The following MEF2D variants were observed in gnomAD, a reference collection of about 807,000 sequenced individuals.
MEF2D encodes the protein myocyte enhancer factor 2D.
In MEF2D, 10 loss-of-function variants were observed where a neutral mutation model predicts 59.3. The observed-to-expected ratio is 0.17, with a 90% confidence interval of 0.10 to 0.29. The LOEUF (loss-of-function observed/expected upper bound fraction) is 0.29. MEF2D is among the 10% of genes least tolerant of loss of function. The pLI, the probability that MEF2D is intolerant of heterozygous loss-of-function variation, is 1.00. For missense variants in MEF2D, 508 were observed against 699.4 expected (o/e 0.73, Z 3.09); for synonymous variants, 305 against 295.0 (o/e 1.03, Z -0.35).
intron 3 of MEF2D, among the ~76,000 whole-genome samples, chr1:156,481,523 T>G (rs1672017206): frequency 6.6e-6 from 1 of 152,204 alleles, no homozygotes; most frequent in Non-Finnish European, 1.5e-5. Flanking sequence ...ACTGAGTCCC[T>G]ACTGTGACCA....
intron 1 of MEF2D, among the ~76,000 whole-genome samples, chr1:156,491,453 G>T (rs1672784813): frequency 6.6e-6 from 1 of 152,230 alleles, no homozygotes; most frequent in Non-Finnish European, 1.5e-5. Context: ...GGCAATGAGG[G>T]CGCTAGAAGA....
intron 11 of MEF2D, 26 bp from the exon 12 acceptor site, chr1:156,467,682 G>C: frequency 3.0e-6 from 4 of 1,347,328 alleles, no homozygotes; most frequent in Middle Eastern, 2.1e-4. Flanking sequence ...ATGGAGAAGG[G>C]GGTGTGAGGG....
rs1028254937 is a variant in MEF2D at position 156,467,557 on chromosome 1, G to C, written c.*88C>G. 3 of 1,080,778 alleles carry C rather than the reference G, an allele frequency of 2.8e-6. No homozygotes were observed. The highest frequency in any genetic ancestry group is 3.7e-6 in the Non-Finnish European group (3 of 810,202). The allele number at this position is 1,080,778 out of a possible 1,614,324, so 66.9% of individuals were successfully genotyped here. A position where few individuals can be genotyped will look rare whatever the true frequency, so the allele number is the denominator to read the frequency against. Reference sequence around the variant, plus strand: ...AAGCACAAGAAAGGAAGTGGGGGTCGAGCGGGAGGAGCCCGGGGCAGGGAA... The same window carrying C: ...AAGCACAAGAAAGGAAGTGGGGGTCCAGCGGGAGGAGCCCGGGGCAGGGAA... On this transcript the variant is annotated 3_prime_UTR_variant, in exon 12 of 12. Transcript: ENST00000348159.
intron 1 of MEF2D, among the ~76,000 whole-genome samples, chr1:156,498,912 T>C (rs1474683230): frequency 6.6e-6 from 1 of 152,108 alleles, no homozygotes; most frequent in Non-Finnish European, 1.5e-5. Flanking sequence ...AGGAAGGAAA[T>C]TCATTCCCAG....
rs1349953656 is a variant in MEF2D at position 156,477,166 on chromosome 1, A to C, written c.701T>G (p.Leu234Arg). The C allele has an allele frequency of 1.5e-5, 24 of 1,612,622 alleles. No homozygotes were observed. Among genetic ancestry groups the C allele is most frequent in the South Asian group, 2.2e-5 (2 of 91,002 alleles). The change falls in exon 7 of 12, where the codon CTC (leucine) becomes CGC (arginine). Residue 234 changes from leucine (L) to arginine (R), a missense_variant. By Grantham distance (102) the Leu-to-Arg change is moderately radical. Coordinates refer to ENST00000348159, the MANE Select transcript of MEF2D (RefSeq NM_005920.4). ...GCTGTTGCCATTGGCCACAGGGAGG[A>C]GGCCAGGGGAAGCCCGAGCACTGAC... ...GYVSARASPG[L>R]LPVANGNSLN...
At chr1:156,484,271 C>T (rs1341445013) in intron 1 of MEF2D, 2 of 152,190 alleles carry the variant, frequency 1.3e-5, no homozygotes, top group Non-Finnish European at 2.9e-5. Context: ...AACCATTCCT[C>T]TAGACCAGGA....
At chr1:156,499,909 C>A (rs983804978) in intron 1 of MEF2D, among the ~76,000 whole-genome samples, 8 of 152,176 alleles carry the variant, frequency 5.3e-5, no homozygotes, top group African/African-American at 1.9e-4. Flanking sequence ...CACTCACACA[C>A]CCCAACCCAC....
intron 4 of MEF2D, among the ~76,000 whole-genome samples, chr1:156,480,454 A>G (rs1490204492): frequency 6.6e-6 from 1 of 152,152 alleles, no homozygotes; most frequent in Non-Finnish European, 1.5e-5. Context: ...GGCCTCTCCA[A>G]CTTATGCTCC....
At chr1:156,467,710 G>A in intron 11 of MEF2D, 54 bp from the exon 12 acceptor site, 3 of 1,357,644 alleles carry the variant, frequency 2.2e-6, no homozygotes, top group South Asian at 2.4e-5. Context: ...CAGGCTTTGG[G>A]TATGCACCCC....
At chr1:156,482,923 GAGA>G (rs750192833) in intron 2 of MEF2D, among the ~76,000 whole-genome samples, 17 of 152,240 alleles carry the variant, frequency 1.1e-4, no homozygotes, top group African/African-American at 1.9e-4. Flanking sequence ...GAGGTCAGTG[GAGA>G]AGAAGAGGGA....
chr1:156,496,545 T>A (rs1222518839), intron 1 of MEF2D, among the ~76,000 whole-genome samples: 1 of 152,190 alleles, frequency 6.6e-6, no homozygotes, highest in African/African-American at 2.4e-5. Context: ...TGCCCATCTG[T>A]GGTCTAACCT....
intron 1 of MEF2D, among the ~76,000 whole-genome samples, chr1:156,497,740 G>C (rs1673213001): frequency 6.6e-6 from 1 of 152,128 alleles, no homozygotes; most frequent in Non-Finnish European, 1.5e-5. Context: ...GTGGCAAAGT[G>C]TCCAACCAAG....
rs112763051 is a variant in MEF2D at position 156,475,197 on chromosome 1, G to A, written c.917C>T (p.Ser306Leu). 5 of 1,613,910 alleles carry A rather than the reference G, an allele frequency of 3.1e-6. No individual in the cohort carries two copies. Among genetic ancestry groups the A allele is most frequent in the Non-Finnish European group, 3.4e-6 (4 of 1,179,866 alleles). The change falls in exon 9 of 12, where the codon TCG becomes TTG. Residue 306 changes from serine to leucine, a missense_variant. Physicochemically the swap from Ser to Leu is moderately radical, Grantham distance 145 (BLOSUM62 -2). Coordinates refer to ENST00000348159, the MANE Select transcript of MEF2D (RefSeq NM_005920.4). ...QRLGVSQSTHSLTTPVVSVAT... is the reference protein window; with the variant it reads ...QRLGVSQSTHLLTTPVVSVAT... ...CACAGAAACCACTGGGGTGGTGAGCGAATGAGTAGACTGGGAGACCCCAAG... is the reference window on the plus strand; with the variant it reads ...CACAGAAACCACTGGGGTGGTGAGCAAATGAGTAGACTGGGAGACCCCAAG...
intron 3 of MEF2D, 107 bp from the exon 4 acceptor site, chr1:156,481,078 T>G: frequency 6.7e-7 from 1 of 1,497,110 alleles, no homozygotes; most frequent in Non-Finnish European, 9.1e-7. Context: ...CCCGACCTCC[T>G]TCTTCAGGGT....
In MEF2D at chr1:156,485,522, C is replaced by CT. The variant is rs60165062; in HGVS notation, c.-138-2093dup. On this transcript the variant is annotated intron_variant, in intron 1 of 11. Coordinates refer to ENST00000348159, the MANE Select transcript of MEF2D (RefSeq NM_005920.4). ...ACGACTCCCTACCCTTCTCCTTCTT[C>CT]TTTTTTTTTTTTTTTTTTGGTGGTG... Among the ~76,000 whole-genome samples the CT allele has an allele frequency of 3.5e-3, 463 of 131,778 alleles. 3 individuals carry two copies. Among genetic ancestry groups the CT allele is most frequent in the African/African-American group, 0.01 (364 of 35,174 alleles). 86.5% of individuals were successfully genotyped at this position (131,778 alleles called of 152,430 possible). A position where few individuals can be genotyped will look rare whatever the true frequency, so the allele number is the denominator to read the frequency against.
intron 1 of MEF2D, among the ~76,000 whole-genome samples, chr1:156,499,783 G>A (rs1310553144): frequency 6.6e-6 from 1 of 152,094 alleles, no homozygotes; most frequent in African/African-American, 2.4e-5. Flanking sequence ...ACCACATCAG[G>A]GGTCTCGGAA....
In MEF2D at chr1:156,488,885, C is replaced by T. The variant is rs137882333; in HGVS notation, c.-138-5455G>A. Among the ~76,000 whole-genome samples, 11 of 152,254 alleles carry T rather than the reference C, an allele frequency of 7.2e-5. No homozygotes were observed. In the East Asian group the frequency reaches 2.1e-3, roughly 29 times the overall value. ...AGGGGAATTCCTTTCCGATAGCCAGCCTCTATCCTCTCTTTCTTGCTCTTG... is the reference window on the plus strand; with the variant it reads ...AGGGGAATTCCTTTCCGATAGCCAGTCTCTATCCTCTCTTTCTTGCTCTTG... On this transcript the variant is annotated intron_variant, in intron 1 of 11. Transcript: ENST00000348159.
intron 1 of MEF2D, among the ~76,000 whole-genome samples, chr1:156,495,038 C>T (rs566423285): frequency 4.0e-4 from 61 of 152,250 alleles, no homozygotes; most frequent in African/African-American, 1.4e-3. Flanking sequence ...TCATCCCATG[C>T]GGCAGCTCAC....
intron 1 of MEF2D, among the ~76,000 whole-genome samples, chr1:156,489,593 C>G (rs776326586): frequency 2.4e-4 from 37 of 151,806 alleles, no homozygotes; most frequent in Non-Finnish European, 4.9e-4. Context: ...GGTTCAACAA[C>G]GGCTTCCAGG....
Sources: allele counts gnomAD v4.1 joint callset (sites outside exome capture counted in the v4.1 genomes callset), GRCh38; gene constraint gnomAD v4.1.1; transcripts MANE v1.5; gene names NCBI Gene and HGNC (gene_info 2026-07-23, HGNC 2026-07-21).